ACOT7: variants seen among roughly 807,000 people sequenced by gnomAD.
The protein encoded by ACOT7 is cytosolic acyl coenzyme A thioester hydrolase.
A neutral mutation model predicts 40.2 loss-of-function variants in ACOT7; 12 were observed. That is an observed-to-expected ratio of 0.30 (90% CI 0.19 to 0.48). The LOEUF (loss-of-function observed/expected upper bound fraction) is 0.48. Ranked by LOEUF, ACOT7 falls within the 20% of genes least tolerant of loss-of-function variation. ACOT7 has a pLI of 0.99. For missense variants in ACOT7, 395 were observed against 530.8 expected, an observed-to-expected ratio of 0.74 and a Z score of 2.51; for synonymous variants, 228 against 219.5, an observed-to-expected ratio of 1.04 and a Z score of -0.34.
chr1:6,320,889 G>A (rs1421617043), intron 5 of ACOT7, among the ~76,000 whole-genome samples: 1 of 152,224 alleles, frequency 6.6e-6, no homozygotes, highest in African/African-American at 2.4e-5. Flanking sequence ...GTGTTTACAC[G>A]CAATTCTTCA....
chr1:6,270,280 G>A (rs376283357), intron 8 of ACOT7, among the ~76,000 whole-genome samples: 40 of 152,362 alleles, frequency 2.6e-4, no homozygotes, highest in African/African-American at 8.9e-4. Flanking sequence ...TACGCTGTTG[G>A]CTGTTGCTGT....
intron 8 of ACOT7, among the ~76,000 whole-genome samples, chr1:6,265,526 G>A (rs1203792867): frequency 2.0e-5 from 3 of 152,200 alleles, no homozygotes; most frequent in Non-Finnish European, 4.4e-5. Flanking sequence ...TGAACAGGTG[G>A]GATTTGGCCC....
At chr1:6,265,527 G>T (rs1264390159) in intron 8 of ACOT7, among the ~76,000 whole-genome samples, 1 of 152,248 alleles carries the variant, frequency 6.6e-6, no homozygotes, top group East Asian at 1.9e-4. Context: ...GAACAGGTGG[G>T]ATTTGGCCCA....
rs1641825046 is a variant in ACOT7 at position 6,358,937 on chromosome 1, C to G, written c.144-9071G>C. 6.5e-7 allele frequency: 1 copy of G among 1,549,706 alleles called. No homozygotes were observed. The highest frequency in any genetic ancestry group is 1.4e-5 in the African/African-American group (1 of 73,148). ...CTTGCCTGACCCAGGACTGTCCCAG[C>G]TCCCTGCCACACCGGGCTTGGTGGG... On this transcript the variant is annotated intron_variant, in intron 1 of 8. Coordinates refer to ENST00000361521, the MANE Select transcript of ACOT7 (RefSeq NM_007274.4). This position sits in a 1 kb window ranked among gnomAD's most constrained non-coding sequence, Gnocchi z 4.1.
Position 6,338,531 on chromosome 1 carries a change from T to C in ACOT7, c.418+902A>G, listed in dbSNP as rs755765894. Among the ~76,000 whole-genome samples the C allele has an allele frequency of 5.3e-5, 8 of 152,328 alleles. No individual in the cohort carries two copies. The highest frequency in any genetic ancestry group is 3.4e-3 in the Middle Eastern group (1 of 294). ...CCTTGCTCAGCTCCATCTGCCCACC[T>C]GCCGGAGCTGGGCTGACACAGCCAT... On this transcript the variant is annotated intron_variant, in intron 3 of 8. Coordinates refer to ENST00000361521, the MANE Select transcript of ACOT7 (RefSeq NM_007274.4). The surrounding 1 kb of genome is among the most constrained non-coding windows in gnomAD (Gnocchi z 4.4).
chr1:6,279,136 G>A (rs1639282416), intron 8 of ACOT7, among the ~76,000 whole-genome samples: 1 of 152,234 alleles, frequency 6.6e-6, no homozygotes, highest in Non-Finnish European at 1.5e-5. Context: ...AAGCAGGCAA[G>A]TTTGGAGAAG....
intron 6 of ACOT7, among the ~76,000 whole-genome samples, chr1:6,302,584 A>C (rs1321430875): frequency 5.9e-5 from 9 of 152,080 alleles, no homozygotes; most frequent in Admixed American, 5.9e-4. Flanking sequence ...TGGGCTTGAG[A>C]AAAACATAGA....
At position 6,306,777 on chromosome 1, in the gene ACOT7, G is replaced by A. The variant is rs1477800609; in HGVS notation, c.712+11715C>T. ...CTTGCCCCAACACTGAGGGTCTGGTGTGTTGTGTCCCACGTAGCAGTGGGG... is the reference window on the plus strand; with the variant it reads ...CTTGCCCCAACACTGAGGGTCTGGTATGTTGTGTCCCACGTAGCAGTGGGG... On this transcript the variant is annotated intron_variant, in intron 6 of 8. Coordinates refer to ENST00000361521, the MANE Select transcript of ACOT7 (RefSeq NM_007274.4). The surrounding 1 kb of genome is among the most constrained non-coding windows in gnomAD (Gnocchi z 4.3). 1 of 1,285,748 alleles carries A rather than the reference G, an allele frequency of 7.8e-7. No individual in the cohort carries two copies. Among genetic ancestry groups the A allele is most frequent in the African/African-American group, 1.5e-5 (1 of 65,814 alleles). 79.6% of individuals were successfully genotyped at this position (1,285,748 alleles called of 1,614,324 possible).
chr1:6,382,297 G>A (rs1009337801), intron 1 of ACOT7, among the ~76,000 whole-genome samples: 13 of 148,458 alleles, frequency 8.8e-5, no homozygotes, highest in African/African-American at 2.7e-4. Context: ...CCAGCTACGC[G>A]GGGGGCTGAG....
rs1222199951 is a variant in ACOT7 at position 6,289,288 on chromosome 1, C to CG, written c.829+5575dup. Among the ~76,000 whole-genome samples the CG allele has an allele frequency of 6.6e-6, 1 of 152,150 alleles. No individual in the cohort carries two copies. The highest frequency in any genetic ancestry group is 2.1e-4 in the South Asian group (1 of 4,818). Reference sequence around the variant, plus strand: ...CTAATTTTTGTATTTTTAGTAGAGACGGGGTTTCACCATGTTGGCCAGGCT... The same window carrying CG: ...CTAATTTTTGTATTTTTAGTAGAGACGGGGGTTTCACCATGTTGGCCAGGCT... On this transcript the variant is annotated intron_variant, in intron 7 of 8. Transcript: ENST00000361521. This position sits in a 1 kb window ranked among gnomAD's most constrained non-coding sequence, Gnocchi z 4.6.
rs776380865 is a variant in ACOT7 at position 6,264,602 on chromosome 1, G to A, written c.1108C>T (p.Pro370Ser). 6.2e-7 allele frequency: 1 copy of A among 1,611,988 alleles called. No individual in the cohort carries two copies. Among genetic ancestry groups the A allele is most frequent in the Non-Finnish European group, 8.5e-7 (1 of 1,179,588 alleles). Reference protein sequence around the residue: ...AKRQGHAEPQP With the variant: ...AKRQGHAEPQS ...CAGTGGCAGGAGGAGGGAGTCTAGG[G>A]CTGAGGCTCCGCGTGGCCCTGTCGC... Residue 370 changes from proline to serine, a missense_variant, in exon 9 of 9, where the codon CCC becomes TCC. Coordinates refer to ENST00000361521, the MANE Select transcript of ACOT7 (RefSeq NM_007274.4).
At chr1:6,350,781 T>C (rs1453081333) in intron 1 of ACOT7, among the ~76,000 whole-genome samples, 3 of 152,212 alleles carry the variant, frequency 2.0e-5, no homozygotes, top group Non-Finnish European at 4.4e-5. Context: ...TCCCCAGGTC[T>C]GCATCTCCTC....
chr1:6,285,499 C>T (rs893108062), intron 7 of ACOT7, among the ~76,000 whole-genome samples: 1 of 152,238 alleles, frequency 6.6e-6, no homozygotes, highest in Non-Finnish European at 1.5e-5. Flanking sequence ...ACTGATTCCG[C>T]CCTTCCTGCT....
intron 3 of ACOT7, among the ~76,000 whole-genome samples, chr1:6,335,479 C>G (rs967706259): frequency 1.3e-5 from 2 of 151,998 alleles, no homozygotes; most frequent in Admixed American, 1.3e-4. Flanking sequence ...GGCGACAGAG[C>G]GAGGCCCTGT....
At chr1:6,346,446 A>T (rs1198323308) in intron 2 of ACOT7, among the ~76,000 whole-genome samples, 2 of 152,218 alleles carry the variant, frequency 1.3e-5, no homozygotes, top group Non-Finnish European at 2.9e-5. Flanking sequence ...AAGCCAGTGC[A>T]AAGGCCCAAG....
rs747904502 is a variant in ACOT7 at position 6,294,952 on chromosome 1, G to A, written c.741C>T (p.Val247=). ...AGTGGCGTGCAGCCACGATCCCGGC[G>A]ACCTCATCCATGAGCTTCATGGTCA... ...GGVTMKLMDE[V]AGIVAARHCK... Residue 247 remains valine (V), a synonymous_variant, in exon 7 of 9, where the codon GTC becomes GTT. Coordinates refer to ENST00000361521, the MANE Select transcript of ACOT7 (RefSeq NM_007274.4). The surrounding 1 kb of genome is among the most constrained non-coding windows in gnomAD (Gnocchi z 4.6). 17 of 1,613,860 alleles carry A rather than the reference G, an allele frequency of 1.1e-5. No homozygotes were observed. Among genetic ancestry groups the A allele is most frequent in the African/African-American group, 2.7e-5 (2 of 74,930 alleles).
At chr1:6,334,169 GGAC>G (rs1641037095) in intron 3 of ACOT7, among the ~76,000 whole-genome samples, 1 of 152,198 alleles carries the variant, frequency 6.6e-6, no homozygotes, top group South Asian at 2.1e-4. Flanking sequence ...TTCTGCCCGG[GGAC>G]ACGAGGCTGA....
Position 6,294,889 on chromosome 1 carries a change from A to G in ACOT7, c.804T>C (p.Ile268=), listed in dbSNP as rs764569398. ...TNIVTASVDA[I]NFHDKIRKGC... ...CTTTTCTGATCTTGTCATGAAAATTAATGGCGTCCACGGAAGCTGTGACGA... is the reference window on the plus strand; with the variant it reads ...CTTTTCTGATCTTGTCATGAAAATTGATGGCGTCCACGGAAGCTGTGACGA... The change falls in exon 7 of 9, where the codon ATT becomes ATC. Residue 268 remains isoleucine (I), a synonymous_variant. Transcript: ENST00000361521. This position sits in a 1 kb window ranked among gnomAD's most constrained non-coding sequence, Gnocchi z 4.6. 2 of 1,614,088 alleles carry G rather than the reference A, an allele frequency of 1.2e-6. No individual in the cohort carries two copies. The highest frequency in any genetic ancestry group is 2.2e-5 in the South Asian group (2 of 91,080).
intron 1 of ACOT7, among the ~76,000 whole-genome samples, chr1:6,383,708 A>T (rs900379487): frequency 2.7e-5 from 4 of 147,406 alleles, no homozygotes; most frequent in Non-Finnish European, 4.5e-5. Flanking sequence ...CATCTGGCTA[A>T]TTTTTTTTTC....
Sources: gnomAD v4.1 joint callset for allele counts (sites outside exome capture counted in the v4.1 genomes callset) on GRCh38, gnomAD v4.1.1 for gene constraint, Gnocchi (gnomAD v3.1) non-coding constraint, MANE v1.5 for transcripts, NCBI Gene and HGNC (gene_info 2026-07-23, HGNC 2026-07-21) for gene names.